Variants in PARP8 observed in about 807,000 individuals in gnomAD.
PARP8 encodes the protein poly(ADP-ribose) polymerase family member 8.
Under a neutral mutation model 124.1 loss-of-function variants are expected in PARP8, and 51 were observed. The ratio of observed to expected loss-of-function variants is 0.41; its 90% CI spans 0.33 to 0.52. The LOEUF is 0.52. PARP8 is among the 20% of genes least tolerant of loss of function. PARP8 has a pLI of 0.21. For missense variants in PARP8, 860 were observed against 1,018.9 expected, an observed-to-expected ratio of 0.84 and a Z score of 2.12; for synonymous variants, 391 against 361.5, an observed-to-expected ratio of 1.08 and a Z score of -0.93.
chr5:50,777,547 T>A (rs535083248), intron 7 of PARP8, among the ~76,000 whole-genome samples: 1 of 152,284 alleles, frequency 6.6e-6, no homozygotes, highest in African/African-American at 2.4e-5. Flanking sequence ...TTCCTTTTTT[T>A]TTTTAATATC....
intron 7 of PARP8, among the ~76,000 whole-genome samples, chr5:50,777,691 C>T (rs1580308497): frequency 6.6e-6 from 1 of 152,076 alleles, no homozygotes; most frequent in East Asian, 1.9e-4. Flanking sequence ...ATACTCCTTC[C>T]TCATGTCATC....
chr5:50,686,709 C>T (rs1278280066), intron 2 of PARP8, among the ~76,000 whole-genome samples: 1 of 152,210 alleles, frequency 6.6e-6, no homozygotes, highest in Non-Finnish European at 1.5e-5. Context: ...AACCTCAGTT[C>T]TTGACTTCTG....
chr5:50,832,578 A>T (rs914413369), intron 22 of PARP8, among the ~76,000 whole-genome samples: 1 of 152,168 alleles, frequency 6.6e-6, no homozygotes, highest in Admixed American at 6.6e-5. Flanking sequence ...CTTGCTTTCA[A>T]TGCAAAAAAA....
intron 2 of PARP8, among the ~76,000 whole-genome samples, chr5:50,742,339 G>A (rs1357727848): frequency 6.6e-6 from 1 of 152,132 alleles, no homozygotes. Flanking sequence ...ATTTCAAATT[G>A]TGAAATTGTT....
intron 9 of PARP8, among the ~76,000 whole-genome samples, chr5:50,780,804 T>C (rs1740582589): frequency 6.6e-6 from 1 of 152,224 alleles, no homozygotes; most frequent in Non-Finnish European, 1.5e-5. Context: ...GTCATGATAG[T>C]TTTCCTCCTA....
intron 2 of PARP8, among the ~76,000 whole-genome samples, chr5:50,747,061 CT>C (rs1021869494): frequency 6.7e-6 from 1 of 150,032 alleles, no homozygotes; most frequent in Non-Finnish European, 1.5e-5. Flanking sequence ...AAAAAATTTG[CT>C]TTATGAAATA....
At chr5:50,733,759 A>G (rs1287080396) in intron 2 of PARP8, among the ~76,000 whole-genome samples, 3 of 151,916 alleles carry the variant, frequency 2.0e-5, no homozygotes, top group African/African-American at 7.2e-5. Flanking sequence ...TTTTTTTGTC[A>G]TGTGAGGCTT....
intron 2 of PARP8, among the ~76,000 whole-genome samples, chr5:50,722,121 C>G (rs1246462244): frequency 6.6e-6 from 1 of 152,012 alleles, no homozygotes; most frequent in African/African-American, 2.4e-5. Context: ...GGATGAGGGA[C>G]AGCTGGACTG....
intron 2 of PARP8, among the ~76,000 whole-genome samples, chr5:50,739,732 A>ATAT (rs1391397402): frequency 6.8e-4 from 30 of 44,182 alleles, no homozygotes; most frequent in African/African-American, 2.2e-3. Context: ...ATATATATAT[A>ATAT]TTTTTTTTTT....
intron 7 of PARP8, among the ~76,000 whole-genome samples, chr5:50,768,633 C>T (rs974427360): frequency 2.0e-5 from 3 of 151,928 alleles, no homozygotes; most frequent in Admixed American, 6.6e-5. Flanking sequence ...TATTATATAC[C>T]GAATACTGCA....
chr5:50,720,195 C>A (rs963634732), intron 2 of PARP8, among the ~76,000 whole-genome samples: 1 of 151,992 alleles, frequency 6.6e-6, no homozygotes, highest in Non-Finnish European at 1.5e-5. Flanking sequence ...TTTGATTTAT[C>A]ACTGTCAAGA....
At chr5:50,787,570 A>G (rs1466641618) in intron 9 of PARP8, among the ~76,000 whole-genome samples, 1 of 151,730 alleles carries the variant, frequency 6.6e-6, no homozygotes, top group Non-Finnish European at 1.5e-5. Context: ...CTATTTTTCT[A>G]TCTGTTTTTC....
chr5:50,778,363 G>A (rs568077916), intron 8 of PARP8, among the ~76,000 whole-genome samples, 197 bp from the exon 9 acceptor site: 116 of 152,098 alleles, frequency 7.6e-4, no homozygotes, highest in Non-Finnish European at 1.4e-3. Context: ...ACAATACTTC[G>A]TTATATTTTA....
At chr5:50,798,118 T>A (rs2149657343) in intron 14 of PARP8, among the ~76,000 whole-genome samples, 1 of 152,312 alleles carries the variant, frequency 6.6e-6, no homozygotes, top group Admixed American at 6.5e-5. Context: ...TCAAGGACCA[T>A]CCATATAGCA....
At chr5:50,815,119 C>G (rs1453303761) in intron 14 of PARP8, among the ~76,000 whole-genome samples, 2 of 151,906 alleles carry the variant, frequency 1.3e-5, no homozygotes, top group African/African-American at 4.8e-5. Flanking sequence ...ATCTCATGTG[C>G]AAATGTGTAT....
At chr5:50,820,337 C>T (rs1367500001) in intron 15 of PARP8, among the ~76,000 whole-genome samples, 2 of 152,208 alleles carry the variant, frequency 1.3e-5, no homozygotes, top group Non-Finnish European at 2.9e-5. Context: ...CTTATTAAGT[C>T]ACTTGTGTTC....
At chr5:50,828,251 G>A (rs1746563252) in intron 20 of PARP8, 61 bp from the exon 21 acceptor site, 10 of 1,504,250 alleles carry the variant, frequency 6.6e-6, no homozygotes, top group Non-Finnish European at 7.4e-6. Flanking sequence ...ATTATGTTTT[G>A]ACCACTTTGA....
At chr5:50,686,072 T>C (rs940868056) in intron 2 of PARP8, among the ~76,000 whole-genome samples, 3 of 152,194 alleles carry the variant, frequency 2.0e-5, no homozygotes, top group Non-Finnish European at 4.4e-5. Flanking sequence ...CATTTCAGCA[T>C]TAACTCAAAA....
Position 50,820,234 on chromosome 5 carries a change from A to G in PARP8, c.1669-979A>G, listed in dbSNP as rs556213283. On this transcript the variant is annotated intron_variant, in intron 15 of 25. Coordinates refer to ENST00000281631, the MANE Select transcript of PARP8 (RefSeq NM_024615.4). Reference sequence around the variant, plus strand: ...ATACTCCTCTCTTAGAAGCAGGACAATCAAAAATTGGCCCCCTCTTACTGT... The same window carrying G: ...ATACTCCTCTCTTAGAAGCAGGACAGTCAAAAATTGGCCCCCTCTTACTGT... 8.5e-5 allele frequency among the ~76,000 whole-genome samples: 13 copies of G among 152,284 alleles called. No homozygotes were observed. In the South Asian group the frequency reaches 2.7e-3, roughly 32 times the overall value.
Sources: gnomAD v4.1 joint callset for allele counts (sites outside exome capture counted in the v4.1 genomes callset) on GRCh38, gnomAD v4.1.1 for gene constraint, MANE v1.5 for transcripts, NCBI Gene and HGNC (gene_info 2026-07-23, HGNC 2026-07-21) for gene names.